KANSL1: variants seen among roughly 807,000 people sequenced by gnomAD.
KANSL1 encodes KAT8 regulatory NSL complex subunit 1.
Under a neutral mutation model 103.6 loss-of-function variants are expected in KANSL1, and 22 were observed. That is an observed-to-expected ratio of 0.21 (90% CI 0.15 to 0.30). The LOEUF (loss-of-function observed/expected upper bound fraction) is 0.30. Ranked by LOEUF, KANSL1 falls within the 10% of genes least tolerant of loss-of-function variation. The pLI, the probability that KANSL1 is intolerant of heterozygous loss-of-function variation, is 1.00. For missense variants in KANSL1, 1,337 were observed against 1,399.8 expected (o/e 0.96, Z 0.72); for synonymous variants, 600 against 527.6 (o/e 1.14, Z -1.88).
rs923227882 is a variant in KANSL1, at chr17:46,136,709, A to G, written c.1289+34146T>C. 5.9e-5 allele frequency among the ~76,000 whole-genome samples: 9 copies of G among 152,372 alleles called. No homozygotes were observed. The South Asian group carries it at 1.7e-3, about 28-fold the overall frequency. On this transcript the variant is annotated intron_variant, in intron 2 of 14. Coordinates refer to ENST00000432791, the MANE Select transcript of KANSL1 (RefSeq NM_015443.4). ...AAAAAACAAAAAGGGAGGAAAACTC[A>G]TTTTATTAAATTTACATCATATCCT... is the stretch of plus-strand genomic sequence containing the variant.
chr17:46,050,806 G>C, intron 6 of KANSL1, 102 bp from the exon 7 acceptor site: 1 of 985,196 alleles, frequency 1.0e-6, no homozygotes, highest in East Asian at 2.6e-5. Context: ...CTCCCCATTT[G>C]TTATTGCGAA....
At chr17:46,078,118 AT>A (rs1568422558) in intron 4 of KANSL1, among the ~76,000 whole-genome samples, 1 of 152,000 alleles carries the variant, frequency 6.6e-6, no homozygotes. Context: ...GGTTACCTTC[AT>A]TTTGTGGAGC....
chr17:46,123,476 G>A (rs2043375991), intron 2 of KANSL1, among the ~76,000 whole-genome samples: 2 of 152,242 alleles, frequency 1.3e-5, no homozygotes, highest in African/African-American at 4.8e-5. Flanking sequence ...AAGGCCTCTT[G>A]TACCAGTTAG....
At chr17:46,189,804 G>T (rs2732594) in intron 1 of KANSL1, among the ~76,000 whole-genome samples, 21,943 of 151,814 alleles carry the variant, frequency 0.14, 2,139 homozygotes, top group Non-Finnish European at 0.22. Context: ...CTACCCAGGC[G>T]GCTGAGGCAC....
chr17:46,044,868 C>T (rs2146421168), intron 7 of KANSL1: 1 of 152,284 alleles, frequency 6.6e-6, no homozygotes, highest in South Asian at 2.1e-4. Context: ...GGTTAGGAAA[C>T]AGCACTAAAA....
chr17:46,215,613 A>G (rs1322380081), intron 1 of KANSL1, among the ~76,000 whole-genome samples: 1 of 152,226 alleles, frequency 6.6e-6, no homozygotes, highest in East Asian at 1.9e-4. Flanking sequence ...TGTGGTGACT[A>G]GAATGGCACA....
At position 46,130,187 on chromosome 17, in the gene KANSL1, C is replaced by CAAAAAAAAAAAAAAAAAAA. The variant is rs35017603; in HGVS notation, c.1290-35505_1290-35487dup. ...GGGCAAAAGAATGAGATCCTGTCTC[C>CAAAAAAAAAAAAAAAAAAA]AAAAAAAAAAAAAAAAAAAAAGGAA... On this transcript the variant is annotated intron_variant, in intron 2 of 14. Transcript: ENST00000432791. 8.8e-3 allele frequency among the ~76,000 whole-genome samples: 661 copies of CAAAAAAAAAAAAAAAAAAA among 75,164 alleles called. 19 individuals carry two copies. The highest frequency in any genetic ancestry group is 0.021 in the Middle Eastern group (2 of 94). The allele number at this position is 75,164 out of a possible 152,430, so 49.3% of individuals were successfully genotyped here.
chr17:46,215,994 C>T (rs1444480067), intron 1 of KANSL1, among the ~76,000 whole-genome samples: 2 of 152,116 alleles, frequency 1.3e-5, no homozygotes, highest in South Asian at 2.1e-4. Context: ...GAGCCGAGAC[C>T]GTGCCACTGC....
intron 6 of KANSL1, 151 bp from the exon 7 acceptor site, chr17:46,050,855 G>A: frequency 1.7e-6 from 1 of 602,488 alleles, no homozygotes; most frequent in East Asian, 2.9e-5. Flanking sequence ...CTAAAAGGAT[G>A]TTTGATTAGT....
chr17:46,144,739 T>C (rs544164830), intron 2 of KANSL1, among the ~76,000 whole-genome samples: 1 of 152,240 alleles, frequency 6.6e-6, no homozygotes, highest in Non-Finnish European at 1.5e-5. Flanking sequence ...CTAGTAGTGA[T>C]GATTTTGCTT....
intron 2 of KANSL1, among the ~76,000 whole-genome samples, chr17:46,112,426 T>A (rs2042854506): frequency 6.8e-6 from 1 of 147,974 alleles, no homozygotes; most frequent in Admixed American, 6.7e-5. Context: ...GGCTCACGCT[T>A]GTAATCTCAG....
chr17:46,047,651 G>A (rs1180769677), intron 7 of KANSL1, among the ~76,000 whole-genome samples: 1 of 151,962 alleles, frequency 6.6e-6, no homozygotes, highest in African/African-American at 2.4e-5. Flanking sequence ...GCAGGTTGTG[G>A]TGGTGCACAC....
At chr17:46,073,941 T>C (rs139394743) in intron 4 of KANSL1, among the ~76,000 whole-genome samples, 1 of 152,156 alleles carries the variant, frequency 6.6e-6, no homozygotes, top group African/African-American at 2.4e-5. Context: ...TGAACTGGTA[T>C]GAACTTACGG....
At chr17:46,084,359 G>A (rs1268789007) in intron 3 of KANSL1, among the ~76,000 whole-genome samples, 1 of 151,842 alleles carries the variant, frequency 6.6e-6, no homozygotes, top group Non-Finnish European at 1.5e-5. Flanking sequence ...ACCAGCCTGG[G>A]CGACAGACCA....
intron 2 of KANSL1, among the ~76,000 whole-genome samples, chr17:46,111,783 C>T (rs1309690923): frequency 6.6e-6 from 1 of 152,218 alleles, no homozygotes; most frequent in African/African-American, 2.4e-5. Context: ...TCCTATCTTA[C>T]ACTACACACA....
intron 4 of KANSL1, among the ~76,000 whole-genome samples, chr17:46,075,225 T>TGTTA (rs1364653851): frequency 6.6e-6 from 1 of 152,246 alleles, no homozygotes; most frequent in Non-Finnish European, 1.5e-5. Flanking sequence ...ATAAGTTCAA[T>TGTTA]GTTAATTTCA....
intron 2 of KANSL1, among the ~76,000 whole-genome samples, chr17:46,098,208 T>C (rs1410351799): frequency 6.6e-6 from 1 of 150,402 alleles, no homozygotes; most frequent in Non-Finnish European, 1.5e-5. Flanking sequence ...AACCCTCGTA[T>C]TTTATTCCCA....
In KANSL1 at chr17:46,058,733, ACACACACACACTCTCTCTCTCTCTCT is replaced by A. The variant is rs1413209342; in HGVS notation, c.1848+7778_1848+7803del. On this transcript the variant is annotated intron_variant, in intron 6 of 14. Coordinates refer to ENST00000432791, the MANE Select transcript of KANSL1 (RefSeq NM_015443.4). ...AAAACACACACACACACACACACAC[ACACACACACACTCTCTCTCTCTCTCT>A]CTCTCTCTCTCTCTCTCTCTCTCTC... 1.4e-3 allele frequency among the ~76,000 whole-genome samples: 85 copies of A among 61,314 alleles called. 1 individual carries two copies. Among genetic ancestry groups the A allele is most frequent in the Middle Eastern group, 6.0e-3 (1 of 166 alleles). 40.2% of individuals were successfully genotyped at this position (61,314 alleles called of 152,430 possible).
chr17:46,164,118 T>C lies in KANSL1; in HGVS notation c.1289+6737A>G, dbSNP rs573021042. On this transcript the variant is annotated intron_variant, in intron 2 of 14. Coordinates refer to ENST00000432791, the MANE Select transcript of KANSL1 (RefSeq NM_015443.4). ...ACAAACTTAGCTTATTCATCTGTTA[T>C]CTCTTGTGTCTTACACATTTACTTA... Among the ~76,000 whole-genome samples the C allele has an allele frequency of 2.0e-4, 31 of 152,198 alleles. 1 individual carries two copies.
Sources: allele counts gnomAD v4.1 joint callset (sites outside exome capture counted in the v4.1 genomes callset), GRCh38; gene constraint gnomAD v4.1.1; transcripts MANE v1.5; gene names NCBI Gene and HGNC (gene_info 2026-07-23, HGNC 2026-07-21).